Variants in TRPC3 observed in about 807,000 individuals in gnomAD.
TRPC3 encodes transient receptor potential cation channel subfamily C member 3.
TRPC3 carries 54 observed loss-of-function variants against 90.9 expected under a neutral mutation model. That is an observed-to-expected ratio of 0.59 (90% CI 0.48 to 0.75). The LOEUF (loss-of-function observed/expected upper bound fraction) is 0.75, where lower values mean the gene tolerates loss of function less well. Ranked by LOEUF, TRPC3 falls within the 30% of genes least tolerant of loss-of-function variation. The pLI is 0.00. For synonymous variants in TRPC3, 424 were observed against 450.9 expected (o/e 0.94, Z 0.75); for missense variants, 918 against 1,194.5 (o/e 0.77, Z 3.41).
chr4:121,946,021 G>A, intron 1 of TRPC3, among the ~76,000 whole-genome samples: 1 of 151,938 alleles, frequency 6.6e-6, no homozygotes, highest in Non-Finnish European at 1.5e-5. Context: ...TAGAGACAAG[G>A]AAATAGAAAA....
chr4:121,912,506 T>G (rs1274256174), intron 4 of TRPC3, among the ~76,000 whole-genome samples: 1 of 152,190 alleles, frequency 6.6e-6, no homozygotes, highest in Non-Finnish European at 1.5e-5. Flanking sequence ...ATGAGGATCT[T>G]ATAGACTCAT....
intron 3 of TRPC3, among the ~76,000 whole-genome samples, chr4:121,915,645 T>C (rs1487011551): frequency 1.3e-5 from 2 of 152,214 alleles, no homozygotes; most frequent in Non-Finnish European, 2.9e-5. Flanking sequence ...ATAAATACAA[T>C]TCTAATCAGG....
intron 1 of TRPC3, among the ~76,000 whole-genome samples, chr4:121,940,957 A>G (rs371154233): frequency 7.2e-5 from 11 of 152,224 alleles, no homozygotes; most frequent in African/African-American, 2.7e-4. Flanking sequence ...CTAATTCTGC[A>G]GATTTAAAGA....
At position 121,914,877 on chromosome 4, in the gene TRPC3, C is replaced by A; in HGVS notation, c.1244G>T (p.Arg415Met). The change falls in exon 4 of 12, where the codon AGG becomes ATG. Residue 415 changes from arginine to methionine, a missense_variant. Coordinates refer to ENST00000379645, the MANE Select transcript of TRPC3 (RefSeq NM_001130698.2). ...ACACTTGATAGCTATGGTCTGCTCC[C>A]TTAGGCCTGAGAGGTTCTCATACCA... ...TIWYENLSGL[R>M]EQTIAIKCLV... is the part of the protein sequence containing the mutation. 6.2e-7 allele frequency: 1 copy of A among 1,613,802 alleles called. No individual in the cohort carries two copies.
Position 121,879,110 on chromosome 4 carries a change from C to G in TRPC3, c.*626G>C, listed in dbSNP as rs1181931209. On this transcript the variant is annotated 3_prime_UTR_variant, in exon 12 of 12. Transcript: ENST00000379645. ...ACAATGTAATTATATTTTTCATTAA[C>G]CCATTTTGTTGTTAAATTCTTCACT... 6.6e-6 allele frequency: 1 copy of G among 151,680 alleles called. No individual in the cohort carries two copies. Among genetic ancestry groups the G allele is most frequent in the Admixed American group, 6.6e-5 (1 of 15,234 alleles). 9.4% of individuals were successfully genotyped at this position (151,680 alleles called of 1,614,324 possible).
At chr4:121,884,352 A>G (rs1183495818) in intron 10 of TRPC3, among the ~76,000 whole-genome samples, 1 of 152,174 alleles carries the variant, frequency 6.6e-6, no homozygotes, top group African/African-American at 2.4e-5. Context: ...GCAGAGGAGT[A>G]GGTAGCAAGG....
intron 8 of TRPC3, among the ~76,000 whole-genome samples, chr4:121,903,700 C>T (rs1728781773): frequency 6.6e-6 from 1 of 152,094 alleles, no homozygotes; most frequent in Non-Finnish European, 1.5e-5. Context: ...CTGGCTCTCT[C>T]AGTTCACACA....
chr4:121,925,423 A>G (rs1729670510), intron 2 of TRPC3, among the ~76,000 whole-genome samples: 1 of 152,084 alleles, frequency 6.6e-6, no homozygotes, highest in African/African-American at 2.4e-5. Flanking sequence ...ACCATCCGAG[A>G]TATTTCTGAA....
At position 121,951,382 on chromosome 4, in the gene TRPC3, G is replaced by A. The variant is rs976599717; in HGVS notation, c.215+84C>T. The A allele has an allele frequency of 2.1e-6, 2 of 949,096 alleles. No individual in the cohort carries two copies. The highest frequency in any genetic ancestry group is 3.5e-5 in the African/African-American group (2 of 56,878). The allele number at this position is 949,096 out of a possible 1,614,324, so 58.8% of individuals were successfully genotyped here. On this transcript the variant is annotated intron_variant, in intron 1 of 11. Coordinates refer to ENST00000379645, the MANE Select transcript of TRPC3 (RefSeq NM_001130698.2). This position sits in a 1 kb window ranked among gnomAD's most constrained non-coding sequence, Gnocchi z 4.4. ...GGGTCTCGGAGGTCCCGGGCTCGAC[G>A]TGGAGCCGCCCGGCGCGCGCCTTCC...
Position 121,920,177 on chromosome 4 carries a change from A to G in TRPC3, c.1176+4841T>C, listed in dbSNP as rs193102161. Among the ~76,000 whole-genome samples the G allele has an allele frequency of 9.5e-4, 144 of 152,318 alleles. 1 individual carries two copies. Among genetic ancestry groups the G allele is most frequent in the Non-Finnish European group, 1.7e-3 (114 of 68,038 alleles). Reference sequence around the variant, plus strand: ...TAATATAGGTATTTCTATAAATAGTAATAGTGTTCACTATCCTTCCAGTTT... The same window carrying G: ...TAATATAGGTATTTCTATAAATAGTGATAGTGTTCACTATCCTTCCAGTTT... On this transcript the variant is annotated intron_variant, in intron 3 of 11. Transcript: ENST00000379645.
Position 121,951,430 on chromosome 4 carries a change from T to C in TRPC3, c.215+36A>G. 1 of 1,175,248 alleles carries C rather than the reference T, an allele frequency of 8.5e-7. No homozygotes were observed. Among genetic ancestry groups the C allele is most frequent in the Non-Finnish European group, 1.1e-6 (1 of 951,004 alleles). The allele number at this position is 1,175,248 out of a possible 1,614,324, so 72.8% of individuals were successfully genotyped here. A position where few individuals can be genotyped will look rare whatever the true frequency, so the allele number is the denominator to read the frequency against. ...TCCCGCCCCCCGCCCGGCACCGCCC[T>C]CCGAGGCGCGGGCCGCGGCCGGGCC... On this transcript the variant is annotated intron_variant, in intron 1 of 11. Coordinates refer to ENST00000379645, the MANE Select transcript of TRPC3 (RefSeq NM_001130698.2). This position sits in a 1 kb window ranked among gnomAD's most constrained non-coding sequence, Gnocchi z 4.4.
chr4:121,918,933 ACCTC>A (rs1174137132), intron 3 of TRPC3, among the ~76,000 whole-genome samples: 2 of 152,204 alleles, frequency 1.3e-5, no homozygotes, highest in East Asian at 3.8e-4. Flanking sequence ...AAAGTGTTTT[ACCTC>A]CTGAAAAATC....
chr4:121,906,299 G>T (rs1232532674), intron 7 of TRPC3, among the ~76,000 whole-genome samples: 1 of 152,032 alleles, frequency 6.6e-6, no homozygotes, highest in African/African-American at 2.4e-5. Flanking sequence ...TACATTGAAT[G>T]GTCACATCCC....
chr4:121,912,705 C>T (rs1729152367), intron 4 of TRPC3, among the ~76,000 whole-genome samples: 1 of 152,116 alleles, frequency 6.6e-6, no homozygotes, highest in Admixed American at 6.5e-5. Flanking sequence ...ATAATTAAAA[C>T]CTCTAAGTAG....
chr4:121,908,538 A>C (rs1299013804), intron 6 of TRPC3, among the ~76,000 whole-genome samples: 3 of 152,306 alleles, frequency 2.0e-5, no homozygotes, highest in Admixed American at 2.0e-4. Context: ...ATGGAATACT[A>C]TGCAGCCACA....
intron 7 of TRPC3, among the ~76,000 whole-genome samples, chr4:121,905,732 AGT>A (rs1728858208): frequency 6.6e-6 from 1 of 152,136 alleles, no homozygotes; most frequent in African/African-American, 2.4e-5. Context: ...TTTTAGGACT[AGT>A]TTATTCATTC....
intron 10 of TRPC3, among the ~76,000 whole-genome samples, chr4:121,896,879 C>T (rs192379358): frequency 1.8e-3 from 280 of 152,040 alleles, no homozygotes; most frequent in Non-Finnish European, 3.1e-3. Context: ...ATCACACAAT[C>T]GGACCTTAAA....
intron 3 of TRPC3, 45 bp downstream of exon 3, chr4:121,924,973 C>T (rs373078955): frequency 1.3e-6 from 2 of 1,554,504 alleles, no homozygotes; most frequent in Non-Finnish European, 1.7e-6. Flanking sequence ...GTTTGTATCA[C>T]ATGTTTATTC....
intron 3 of TRPC3, among the ~76,000 whole-genome samples, 155 bp downstream of exon 3, chr4:121,924,863 A>T (rs1414999054): frequency 6.6e-6 from 1 of 152,082 alleles, no homozygotes; most frequent in Non-Finnish European, 1.5e-5. Flanking sequence ...ATGCCCAGCT[A>T]ATTTTGTTTC....
Sources: gnomAD v4.1 joint callset for allele counts (sites outside exome capture counted in the v4.1 genomes callset) on GRCh38, gnomAD v4.1.1 for gene constraint, Gnocchi (gnomAD v3.1) non-coding constraint, MANE v1.5 for transcripts, NCBI Gene and HGNC (gene_info 2026-07-23, HGNC 2026-07-21) for gene names.